MAPKAPK2: variants seen among roughly 807,000 people sequenced by gnomAD.
The protein encoded by MAPKAPK2 is MAPK activated protein kinase 2.
In MAPKAPK2, 9 loss-of-function variants were observed where a neutral mutation model predicts 48.8. The observed-to-expected ratio is 0.18, with a 90% CI of 0.11 to 0.32. The LOEUF is 0.32. Ranked by LOEUF, MAPKAPK2 falls within the 10% of genes least tolerant of loss-of-function variation. The pLI, the probability that MAPKAPK2 is intolerant of heterozygous loss-of-function variation, is 1.00. For missense variants in MAPKAPK2, 331 were observed against 498.3 expected, an observed-to-expected ratio of 0.66 and a Z score of 3.20; for synonymous variants, 202 against 190.6, an observed-to-expected ratio of 1.06 and a Z score of -0.49.
intron 5 of MAPKAPK2, 88 bp from the exon 6 acceptor site, chr1:206,730,600 T>C: frequency 8.8e-7 from 1 of 1,142,312 alleles, no homozygotes; most frequent in East Asian, 2.3e-5. Flanking sequence ...GGCTGAAAGG[T>C]TGGGATGGGG....
chr1:206,731,470 G>T lies in MAPKAPK2; in HGVS notation c.893-170G>T. ...GGCAGGGCCAAGGCTGTGGGGCTGT[G>T]CAGGGCCTCTCAAGTGGTACAGCCG... On this transcript the variant is annotated intron_variant, in intron 7 of 9. Coordinates refer to ENST00000367103, the MANE Select transcript of MAPKAPK2 (RefSeq NM_032960.4). The surrounding 1 kb of genome is among the most constrained non-coding windows in gnomAD (Gnocchi z 5.9). 1 of 1,128,366 alleles carries T rather than the reference G, an allele frequency of 8.9e-7. No individual in the cohort carries two copies. 69.9% of individuals were successfully genotyped at this position (1,128,366 alleles called of 1,614,324 possible).
intron 1 of MAPKAPK2, among the ~76,000 whole-genome samples, chr1:206,715,896 C>T (rs1673312251): frequency 6.6e-6 from 1 of 152,074 alleles, no homozygotes. Flanking sequence ...AAGCCATCCT[C>T]CTGCCTCAGC....
chr1:206,729,108 G>A lies in MAPKAPK2; in HGVS notation c.484+9G>A, dbSNP rs1553432272. ...GGCATTCACAGAAAGAGGTAGAAAG[G>A]GTCTGTTGTGGGAGCACGTGCAGGC... On this transcript the variant is annotated intron_variant, in intron 3 of 9. Coordinates refer to ENST00000367103, the MANE Select transcript of MAPKAPK2 (RefSeq NM_032960.4). The A allele has an allele frequency of 2.5e-6, 4 of 1,614,054 alleles. No individual in the cohort carries two copies. In the African/African-American group the frequency reaches 4.0e-5, roughly 16 times the overall value.
At chr1:206,717,141 C>T (rs552114179) in intron 1 of MAPKAPK2, among the ~76,000 whole-genome samples, 4 of 152,192 alleles carry the variant, frequency 2.6e-5, no homozygotes, top group African/African-American at 9.7e-5. Context: ...GCCTCCTTTG[C>T]TGTGAATAAA....
intron 1 of MAPKAPK2, among the ~76,000 whole-genome samples, chr1:206,715,688 A>G (rs1673306375): frequency 7.2e-6 from 1 of 139,590 alleles, no homozygotes; most frequent in African/African-American, 2.7e-5. Flanking sequence ...GTGCAGTGGT[A>G]CGATCATTGG....
In MAPKAPK2 at chr1:206,732,191, C is replaced by T. The variant is rs1407220083; in HGVS notation, c.1059+272C>T. 3 of 1,589,232 alleles carry T rather than the reference C, an allele frequency of 1.9e-6. No homozygotes were observed. Among genetic ancestry groups the T allele is most frequent in the Non-Finnish European group, 2.6e-6 (3 of 1,162,570 alleles). ...GACCTTAAAGACCATCTGGTATCATCTTCTCATTTTGCAGAAGAGAAACTG... is the reference window on the plus strand; with the variant it reads ...GACCTTAAAGACCATCTGGTATCATTTTCTCATTTTGCAGAAGAGAAACTG... On this transcript the variant is annotated intron_variant, in intron 9 of 9. Transcript: ENST00000367103. The surrounding 1 kb of genome is among the most constrained non-coding windows in gnomAD (Gnocchi z 4.4).
chr1:206,691,502 T>TGTATATATATATATATATATATATATAC (rs1672454995), intron 1 of MAPKAPK2, among the ~76,000 whole-genome samples: 1 of 132,730 alleles, frequency 7.5e-6, no homozygotes, highest in Non-Finnish European at 1.6e-5. Context: ...TATATATATA[T>TGTATATATATATATATATATATATATAC]ATACACACAT....
rs1157984418 is a variant in MAPKAPK2 at position 206,731,316 on chromosome 1, G to GTA, written c.892+55_892+56insAT. On this transcript the variant is annotated intron_variant, in intron 7 of 9. Coordinates refer to ENST00000367103, the MANE Select transcript of MAPKAPK2 (RefSeq NM_032960.4). The surrounding 1 kb of genome is among the most constrained non-coding windows in gnomAD (Gnocchi z 5.9). Reference sequence around the variant, plus strand: ...GAAGAGCCCGTGTGTGTGTGTGTGTGTGTATGTGTGTACACGCAGACACAT... The same window carrying GTA: ...GAAGAGCCCGTGTGTGTGTGTGTGTGTATGTATGTGTGTACACGCAGACACAT... 2 of 1,607,684 alleles carry GTA rather than the reference G, an allele frequency of 1.2e-6. No individual in the cohort carries two copies. Among genetic ancestry groups the GTA allele is most frequent in the Non-Finnish European group, 8.5e-7 (1 of 1,176,642 alleles).
intron 1 of MAPKAPK2, among the ~76,000 whole-genome samples, chr1:206,700,751 C>G (rs1016527513): frequency 9.9e-5 from 15 of 152,188 alleles, no homozygotes; most frequent in Non-Finnish European, 2.9e-5. Flanking sequence ...ATTTCTCTCC[C>G]TTGGACTTCT....
Position 206,685,318 on chromosome 1 carries a change from A to G in MAPKAPK2, c.89A>G (p.His30Arg). The change falls in exon 1 of 10, where the codon CAC becomes CGC. Residue 30 changes from histidine to arginine, a missense_variant. By Grantham distance (29) the His-to-Arg change is conservative. Coordinates refer to ENST00000367103, the MANE Select transcript of MAPKAPK2 (RefSeq NM_032960.4). Reference sequence around the variant, plus strand: ...CAGCCCCCCACCCCTGCCCTGCCGCACCCCCCGGCGCAGCCGCCGCCGCCG... The same window carrying G: ...CAGCCCCCCACCCCTGCCCTGCCGCGCCCCCCGGCGCAGCCGCCGCCGCCG... ...PPQPPTPALP[H>R]PPAQPPPPPP... The G allele has an allele frequency of 1.6e-6, 1 of 632,480 alleles. No homozygotes were observed. The allele number at this position is 632,480 out of a possible 1,614,324, so 39.2% of individuals were successfully genotyped here. A position where few individuals can be genotyped will look rare whatever the true frequency, so the allele number is the denominator to read the frequency against.
At chr1:206,707,954 C>T (rs1553428852) in intron 1 of MAPKAPK2, among the ~76,000 whole-genome samples, 2 of 152,098 alleles carry the variant, frequency 1.3e-5, no homozygotes, top group Non-Finnish European at 2.9e-5. Flanking sequence ...AAATGGTTTC[C>T]ACAAATGCTG....
intron 1 of MAPKAPK2, among the ~76,000 whole-genome samples, chr1:206,702,216 T>G (rs1441052318): frequency 8.5e-5 from 13 of 152,222 alleles, no homozygotes; most frequent in African/African-American, 3.1e-4. Context: ...ATTTGGTTCT[T>G]TGAGGTCATG....
chr1:206,695,755 CAT>C (rs1672596747), intron 1 of MAPKAPK2: 1 of 267,560 alleles, frequency 3.7e-6, no homozygotes, highest in Non-Finnish European at 7.0e-6. Context: ...ATGTGCAAGG[CAT>C]CTCTCTCTCT....
At chr1:206,716,907 G>C (rs1673354199) in intron 1 of MAPKAPK2, among the ~76,000 whole-genome samples, 1 of 151,990 alleles carries the variant, frequency 6.6e-6, no homozygotes, top group South Asian at 2.1e-4. Context: ...TCCTACCACT[G>C]TCTGCCTGGT....
chr1:206,687,148 A>G lies in MAPKAPK2; in HGVS notation c.279+1640A>G, dbSNP rs148297474. ...GAGACACCATCTGCCTTCACCCATT[A>G]GTAGTTTGGGGACACTGGCTGTTCA... On this transcript the variant is annotated intron_variant, in intron 1 of 9. Transcript: ENST00000367103. Among the ~76,000 whole-genome samples, 1,002 of 152,290 alleles carry G rather than the reference A, an allele frequency of 6.6e-3. 11 individuals carry two copies. The highest frequency in any genetic ancestry group is 0.023 in the African/African-American group (939 of 41,548).
At chr1:206,712,830 G>A (rs1302835030) in intron 1 of MAPKAPK2, among the ~76,000 whole-genome samples, 1 of 151,998 alleles carries the variant, frequency 6.6e-6, no homozygotes. Flanking sequence ...GCTGAGTGTG[G>A]TGGTGGGCGC....
intron 1 of MAPKAPK2, chr1:206,695,931 CT>C: frequency 1.5e-6 from 1 of 664,768 alleles, no homozygotes; most frequent in South Asian, 1.7e-5. Flanking sequence ...GGCAAGGGCC[CT>C]GAGGGCCACC....
intron 1 of MAPKAPK2, among the ~76,000 whole-genome samples, chr1:206,724,845 T>C (rs2102410033): frequency 6.6e-6 from 1 of 152,212 alleles, no homozygotes; most frequent in East Asian, 1.9e-4. Flanking sequence ...ATCTTGCCCA[T>C]TAGAAACTCA....
rs782239703 is a variant in MAPKAPK2 at position 206,729,992 on chromosome 1, C to T, written c.585C>T (p.Thr195=). The T allele has an allele frequency of 3.7e-6, 6 of 1,614,244 alleles. No individual in the cohort carries two copies. The Admixed American group carries it at 5.0e-5, about 13-fold the overall frequency. The stretch of plus-strand genomic sequence containing the variant: ...TGTAGCCTGAGAATCTCTTATACAC[C>T]TCCAAAAGGCCCAACGCCATCCTGA... ...RDVKPENLLY[T]SKRPNAILKL... is the part of the protein sequence containing the mutation. The change falls in exon 5 of 10, where the codon ACC becomes ACT. Residue 195 remains threonine, a synonymous_variant. Transcript: ENST00000367103.
Sources: allele counts gnomAD v4.1 joint callset (sites outside exome capture counted in the v4.1 genomes callset), GRCh38; gene constraint gnomAD v4.1.1; non-coding constraint Gnocchi (gnomAD v3.1); transcripts MANE v1.5; gene names NCBI Gene and HGNC (gene_info 2026-07-23, HGNC 2026-07-21).